The following TCTN2 variants were observed in gnomAD, a reference collection of about 807,000 sequenced individuals.
The protein encoded by TCTN2 is tectonic-2.
A neutral mutation model predicts 83.4 loss-of-function variants in TCTN2; 66 were observed. The ratio of observed to expected loss-of-function variants is 0.79; its 90% confidence interval spans 0.65 to 0.97. The LOEUF (loss-of-function observed/expected upper bound fraction) is 0.97. Among genes scored for constraint, TCTN2 ranks in the 50% least tolerant of loss-of-function variants. The pLI is 0.00. For synonymous variants in TCTN2, 301 were observed against 326.7 expected, an observed-to-expected ratio of 0.92 and a Z score of 0.85; for missense variants, 794 against 858.1, an observed-to-expected ratio of 0.93 and a Z score of 0.93.
At chr12:123,678,908 C>A (rs923864549) in intron 4 of TCTN2, among the ~76,000 whole-genome samples, 2 of 151,918 alleles carry the variant, frequency 1.3e-5, no homozygotes, top group Non-Finnish European at 2.9e-5. Flanking sequence ...CACCATTCTC[C>A]TGTCTCAGCC....
In TCTN2 at chr12:123,699,617, C is replaced by T. The variant is rs929874666; in HGVS notation, c.1506-87C>T. ...TCTGGCAGTTTTTAATTTAGGCACTCGGAAGTGAAACCCGGACATTCACTG... is the reference window on the plus strand; with the variant it reads ...TCTGGCAGTTTTTAATTTAGGCACTTGGAAGTGAAACCCGGACATTCACTG... On this transcript the variant is annotated intron_variant, in intron 13 of 17. Transcript: ENST00000303372. 34 of 1,125,056 alleles carry T rather than the reference C, an allele frequency of 3.0e-5. 1 individual carries two copies. The highest frequency in any genetic ancestry group is 6.2e-5 in the South Asian group (5 of 80,206). The allele number at this position is 1,125,056 out of a possible 1,614,324, so 69.7% of individuals were successfully genotyped here. A position where few individuals can be genotyped will look rare whatever the true frequency, so the allele number is the denominator to read the frequency against.
At chr12:123,696,314 T>C in intron 11 of TCTN2, 101 bp from the exon 12 acceptor site, 1 of 991,060 alleles carries the variant, frequency 1.0e-6, no homozygotes. Context: ...GCTTCGCCTA[T>C]GTGTTTTCTT....
intron 6 of TCTN2, 59 bp from the exon 7 acceptor site, chr12:123,687,992 G>C: frequency 6.2e-7 from 1 of 1,604,528 alleles, no homozygotes; most frequent in Non-Finnish European, 8.5e-7. Context: ...ACAACATTAA[G>C]GAAGAATTGT....
chr12:123,706,605 T>G, intron 15 of TCTN2, 121 bp from the exon 16 acceptor site: 1 of 1,454,494 alleles, frequency 6.9e-7, no homozygotes, highest in East Asian at 2.3e-5. Context: ...ACAGCCCAGG[T>G]AGAATGCGAA....
chr12:123,687,100 A>T, intron 6 of TCTN2, 65 bp downstream of exon 6: 1 of 1,571,244 alleles, frequency 6.4e-7, no homozygotes, highest in South Asian at 1.1e-5. Context: ...GCCATACTCT[A>T]GTAGGCCCTG....
rs1955789056 is a variant in TCTN2, at chr12:123,673,949, G to A, written c.463+139G>A. On this transcript the variant is annotated intron_variant, in intron 4 of 17. Transcript: ENST00000303372. ...GAGGTTAATGCTACAAATGAGCTGT[G>A]ATCGCGCCACTGCGTTCCAGCCAGG... is the stretch of plus-strand genomic sequence containing the variant. 1.4e-5 allele frequency: 11 copies of A among 809,466 alleles called. No homozygotes were observed. In the South Asian group the frequency reaches 1.7e-4, roughly 12 times the overall value. 50.1% of individuals were successfully genotyped at this position (809,466 alleles called of 1,614,324 possible).
chr12:123,707,322 C>T (rs1475032353), intron 17 of TCTN2: 2 of 611,014 alleles, frequency 3.3e-6, no homozygotes, highest in Non-Finnish European at 5.8e-6. Flanking sequence ...TCTCAGCTCA[C>T]TGCAACCATT....
rs1956254940 is a variant in TCTN2, at chr12:123,708,121, C to T, written c.*408C>T. On this transcript the variant is annotated 3_prime_UTR_variant, in exon 18 of 18. Transcript: ENST00000303372. ...CTCCCAAGCAATCCTCCCACCTCAG[C>T]CTCTGGTGTAGCTGGGACCACAGAT... 5 of 238,582 alleles carry T rather than the reference C, an allele frequency of 2.1e-5. No homozygotes were observed. Among genetic ancestry groups the T allele is most frequent in the Non-Finnish European group, 4.1e-5 (5 of 121,958 alleles). The allele number at this position is 238,582 out of a possible 1,614,324, so 14.8% of individuals were successfully genotyped here.
intron 5 of TCTN2, among the ~76,000 whole-genome samples, chr12:123,686,019 CT>C (rs1409622946): frequency 1.3e-5 from 2 of 151,836 alleles, no homozygotes; most frequent in Non-Finnish European, 2.9e-5. Flanking sequence ...GCATGATGCA[CT>C]GCGTGCAGTC....
intron 5 of TCTN2, among the ~76,000 whole-genome samples, chr12:123,680,118 C>T (rs1293912244): frequency 6.6e-6 from 1 of 151,736 alleles, no homozygotes; most frequent in Non-Finnish European, 1.5e-5. Flanking sequence ...TTTGGGTGGC[C>T]AAGGTGGGCG....
At chr12:123,675,753 G>A (rs922279533) in intron 4 of TCTN2, among the ~76,000 whole-genome samples, 14 of 152,210 alleles carry the variant, frequency 9.2e-5, no homozygotes, top group African/African-American at 1.9e-4. Context: ...CAAGTTGGAG[G>A]ATGATGTGGG....
At chr12:123,676,315 T>C (rs1955820186) in intron 4 of TCTN2, among the ~76,000 whole-genome samples, 2 of 151,910 alleles carry the variant, frequency 1.3e-5, no homozygotes, top group African/African-American at 4.8e-5. Context: ...ACGCCTGTAA[T>C]CCCAGCACTT....
chr12:123,703,879 A>G (rs1438712769), intron 14 of TCTN2, among the ~76,000 whole-genome samples: 1 of 152,072 alleles, frequency 6.6e-6, no homozygotes, highest in African/African-American at 2.4e-5. Context: ...CACTGCAATT[A>G]TATATGTTTC....
At chr12:123,671,907 C>G in intron 2 of TCTN2, 149 bp from the exon 3 acceptor site, 1 of 785,710 alleles carries the variant, frequency 1.3e-6, no homozygotes, top group Non-Finnish European at 2.3e-6. Flanking sequence ...GAAACAAGTT[C>G]AGAGAGGTTG....
chr12:123,672,129 T>C lies in TCTN2; in HGVS notation c.264T>C (p.Gly88=). The C allele has an allele frequency of 6.2e-7, 1 of 1,614,054 alleles. No individual in the cohort carries two copies. Residue 88 remains glycine (G), a synonymous_variant, in exon 3 of 18, where the codon GGT becomes GGC. Transcript: ENST00000303372. ...TEDWSVTVIP[G]AKVLEVTVRW... is the part of the protein sequence containing the mutation. ...ACTGGAGCGTGACTGTGATCCCCGG[T>C]GCGGTAAGGCCAGAAGTAAACCTTC... is the stretch of plus-strand genomic sequence containing the variant.
intron 5 of TCTN2, among the ~76,000 whole-genome samples, chr12:123,684,795 T>C (rs1955943806): frequency 6.6e-6 from 1 of 152,054 alleles, no homozygotes; most frequent in African/African-American, 2.4e-5. Context: ...CTCACCACTG[T>C]AATCCCAGCA....
chr12:123,671,648 G>A (rs752545854), intron 2 of TCTN2, 34 bp downstream of exon 2: 133 of 1,585,348 alleles, frequency 8.4e-5, no homozygotes, highest in Non-Finnish European at 1.0e-4. Flanking sequence ...GAGGGTGGGG[G>A]TTGGACTGGA....
intron 3 of TCTN2, 140 bp from the exon 4 acceptor site, chr12:123,673,475 T>TA: frequency 1.2e-6 from 1 of 816,548 alleles, no homozygotes; most frequent in South Asian, 1.5e-5. Context: ...GAACTGAAGA[T>TA]AACTGTGTCA....
rs371700387 is a variant in TCTN2, at chr12:123,700,622, G to A, written c.1612+812G>A. Among the ~76,000 whole-genome samples the A allele has an allele frequency of 2.0e-3, 308 of 152,050 alleles. 1 individual carries two copies. Among genetic ancestry groups the A allele is most frequent in the African/African-American group, 6.7e-3 (280 of 41,504 alleles). The stretch of plus-strand genomic sequence containing the variant: ...ATTTTTGTATTTTTTAAATAGAGAC[G>A]GGGTTTCACCATGTTGGCCAGGCTG... On this transcript the variant is annotated intron_variant, in intron 14 of 17. Coordinates refer to ENST00000303372, the MANE Select transcript of TCTN2 (RefSeq NM_024809.5).
Sources: allele counts gnomAD v4.1 joint callset (sites outside exome capture counted in the v4.1 genomes callset), GRCh38; gene constraint gnomAD v4.1.1; transcripts MANE v1.5; gene names NCBI Gene and HGNC (gene_info 2026-07-23, HGNC 2026-07-21).